Variants in AKAIN1 observed in about 807,000 individuals in gnomAD.
AKAIN1 encodes the protein A-kinase anchor protein inhibitor 1.
A neutral mutation model predicts 3.7 loss-of-function variants in AKAIN1; 3 were observed. That is an observed-to-expected ratio of 0.82 (90% CI 0.37 to 2.12). The LOEUF (loss-of-function observed/expected upper bound fraction) is 2.12, where lower values mean the gene tolerates loss of function less well. Ranked by LOEUF, AKAIN1 falls within the 30% of genes most tolerant of loss-of-function variation. The pLI, the probability that AKAIN1 is intolerant of heterozygous loss-of-function variation, is 0.06. For missense variants in AKAIN1, 82 were observed against 82.7 expected (o/e 0.99, Z 0.03); for synonymous variants, 31 against 30.8 (o/e 1.01, Z -0.02).
At chr18:5,151,366 C>T (rs1213133176) in intron 1 of AKAIN1, among the ~76,000 whole-genome samples, 2 of 151,880 alleles carry the variant, frequency 1.3e-5, no homozygotes, top group Non-Finnish European at 2.9e-5. Flanking sequence ...TTAAATCTCA[C>T]TCATCTACAC....
At chr18:5,148,978 A>G (rs2071064939) in intron 1 of AKAIN1, among the ~76,000 whole-genome samples, 1 of 152,252 alleles carries the variant, frequency 6.6e-6, no homozygotes, top group South Asian at 2.1e-4. Context: ...CTACATTGAA[A>G]AGGTAGAATA....
At chr18:5,163,814 C>T (rs1428331882) in intron 1 of AKAIN1, 2 of 151,990 alleles carry the variant, frequency 1.3e-5, no homozygotes, top group Non-Finnish European at 1.5e-5. Context: ...CGATGTAGAA[C>T]ATTTGCAAAT....
intron 1 of AKAIN1, among the ~76,000 whole-genome samples, chr18:5,180,796 T>C (rs1188931934): frequency 1.3e-5 from 2 of 152,052 alleles, no homozygotes; most frequent in African/African-American, 4.8e-5. Flanking sequence ...CAGGAATAAG[T>C]GCACAAGAAT....
At chr18:5,156,270 C>G (rs1287499949) in intron 1 of AKAIN1, among the ~76,000 whole-genome samples, 1 of 152,152 alleles carries the variant, frequency 6.6e-6, no homozygotes, top group Non-Finnish European at 1.5e-5. Flanking sequence ...AAAACACCCC[C>G]ACCGTATGCC....
At chr18:5,145,882 T>C in intron 1 of AKAIN1, 127 bp from the exon 2 acceptor site, 2 of 755,928 alleles carry the variant, frequency 2.6e-6, no homozygotes, top group Non-Finnish European at 4.3e-6. Context: ...GTGGACCAGT[T>C]AACTATGAGA....
At chr18:5,174,132 T>G (rs187828722) in intron 1 of AKAIN1, among the ~76,000 whole-genome samples, 1 of 152,242 alleles carries the variant, frequency 6.6e-6, no homozygotes, top group East Asian at 1.9e-4. Context: ...GCAGGGAAGT[T>G]GCAGTCATGC....
chr18:5,146,016 G>A (rs1291972350), intron 1 of AKAIN1, among the ~76,000 whole-genome samples: 3 of 152,160 alleles, frequency 2.0e-5, no homozygotes, highest in African/African-American at 7.2e-5. Context: ...AACACTTAAA[G>A]TCATCTGCAG....
chr18:5,169,141 A>G (rs1431939541), intron 1 of AKAIN1, among the ~76,000 whole-genome samples: 1 of 152,114 alleles, frequency 6.6e-6, no homozygotes, highest in Non-Finnish European at 1.5e-5. Context: ...AATCAGACAG[A>G]GACTCTATGT....
upstream of AKAIN1, chr18:5,197,579 T>C: frequency 1.1e-6 from 1 of 879,178 alleles, no homozygotes; most frequent in Non-Finnish European, 1.5e-6. This position sits in a 1 kb window ranked among gnomAD's most constrained non-coding sequence, Gnocchi z 6.9. Flanking sequence ...CTGGCTCGAA[T>C]AGAGGGGCGG....
chr18:5,161,694 C>A (rs1363996586), intron 1 of AKAIN1, among the ~76,000 whole-genome samples: 1 of 152,062 alleles, frequency 6.6e-6, no homozygotes, highest in African/African-American at 2.4e-5. Flanking sequence ...GTAAGAATTT[C>A]CTTTTTATTT....
intron 1 of AKAIN1, among the ~76,000 whole-genome samples, chr18:5,183,815 T>C (rs1034748341): frequency 3.9e-5 from 6 of 152,060 alleles, no homozygotes; most frequent in Non-Finnish European, 8.8e-5. Flanking sequence ...CAACCTTGTT[T>C]AATATATGTT....
chr18:5,190,783 T>C (rs1156685860), intron 1 of AKAIN1, among the ~76,000 whole-genome samples: 2 of 152,140 alleles, frequency 1.3e-5, no homozygotes, highest in African/African-American at 4.8e-5. Context: ...TGTATTCCCA[T>C]ATGGCAGAGA....
intron 1 of AKAIN1, among the ~76,000 whole-genome samples, chr18:5,151,405 C>T (rs572014363): frequency 2.6e-5 from 4 of 152,272 alleles, no homozygotes; most frequent in African/African-American, 9.6e-5. Flanking sequence ...ACCCAGGAGC[C>T]CTGCTTTGCT....
chr18:5,175,589 T>A (rs1385634587), intron 1 of AKAIN1, among the ~76,000 whole-genome samples: 2 of 152,162 alleles, frequency 1.3e-5, no homozygotes, highest in African/African-American at 4.8e-5. Context: ...AGGTAGAGCA[T>A]GTTGGTAGAA....
intron 1 of AKAIN1, among the ~76,000 whole-genome samples, chr18:5,150,938 G>A (rs1441318127): frequency 2.0e-5 from 3 of 152,104 alleles, no homozygotes; most frequent in Admixed American, 6.5e-5. Context: ...CCAGTGAGGC[G>A]GGTTTTGGAA....
At chr18:5,148,436 T>C (rs995359615) in intron 1 of AKAIN1, among the ~76,000 whole-genome samples, 1 of 152,222 alleles carries the variant, frequency 6.6e-6, no homozygotes, top group Non-Finnish European at 1.5e-5. Flanking sequence ...TAAAGAGTTG[T>C]CATAAAGGTT....
At chr18:5,194,764 T>G (rs1209430222) in intron 1 of AKAIN1, among the ~76,000 whole-genome samples, 1 of 152,222 alleles carries the variant, frequency 6.6e-6, no homozygotes, top group Admixed American at 6.5e-5. Context: ...TCATCTTGGC[T>G]TATATAACAC....
intron 1 of AKAIN1, among the ~76,000 whole-genome samples, chr18:5,195,468 A>G (rs1456112621): frequency 6.6e-6 from 1 of 152,166 alleles, no homozygotes; most frequent in Non-Finnish European, 1.5e-5. Context: ...TGGAAAGGAT[A>G]TGCTGAGTCT....
chr18:5,184,888 G>A (rs1260389785), intron 1 of AKAIN1, among the ~76,000 whole-genome samples: 3 of 151,942 alleles, frequency 2.0e-5, no homozygotes, highest in Non-Finnish European at 4.4e-5. Context: ...AATAGCCAAG[G>A]TAATCCTCAG....
Sources: gnomAD v4.1 joint callset for allele counts (sites outside exome capture counted in the v4.1 genomes callset) on GRCh38, gnomAD v4.1.1 for gene constraint, Gnocchi (gnomAD v3.1) non-coding constraint, MANE v1.5 for transcripts, NCBI Gene and HGNC (gene_info 2026-07-23, HGNC 2026-07-21) for gene names.